The following PCNX1 variants were observed in gnomAD, a reference collection of about 807,000 sequenced individuals.
The protein encoded by PCNX1 is pecanex 1.
A neutral mutation model predicts 242.2 loss-of-function variants in PCNX1; 78 were observed. The ratio of observed to expected loss-of-function variants is 0.32; its 90% CI spans 0.27 to 0.39. The LOEUF is 0.39. Ranked by LOEUF, PCNX1 falls within the 10% of genes least tolerant of loss-of-function variation. The probability of loss-of-function intolerance (pLI) is 1.00; values close to 1 mark genes in which losing one functional copy is unlikely to be tolerated. For synonymous variants in PCNX1, 1,024 were observed against 1,032.9 expected (o/e 0.99, Z 0.17); for missense variants, 2,581 against 2,856.5 (o/e 0.90, Z 2.20).
chr14:70,971,004 GAA>G (rs2058522316), intron 5 of PCNX1, among the ~76,000 whole-genome samples: 1 of 151,672 alleles, frequency 6.6e-6, no homozygotes, highest in Non-Finnish European at 1.5e-5. Context: ...TGCTTAGAGA[GAA>G]ATTATAAGAA....
intron 2 of PCNX1, among the ~76,000 whole-genome samples, chr14:70,947,487 C>A (rs8013512): frequency 6.6e-6 from 1 of 152,276 alleles, no homozygotes; most frequent in South Asian, 2.1e-4. Flanking sequence ...TAATTTCTTA[C>A]GCCTGTCTTT....
intron 7 of PCNX1, among the ~76,000 whole-genome samples, chr14:70,990,133 C>T (rs2059119910): frequency 1.3e-5 from 2 of 152,042 alleles, no homozygotes; most frequent in African/African-American, 2.4e-5. Context: ...GCTTGTTTTC[C>T]TAGATTTTAC....
chr14:70,948,082 A>G (rs947899618), intron 2 of PCNX1, among the ~76,000 whole-genome samples: 3 of 152,226 alleles, frequency 2.0e-5, no homozygotes, highest in Admixed American at 6.5e-5. Flanking sequence ...GATGTTTATC[A>G]ATGACAATCT....
chr14:70,945,131 C>T (rs1008615823), intron 1 of PCNX1, among the ~76,000 whole-genome samples: 5 of 152,174 alleles, frequency 3.3e-5, no homozygotes, highest in Non-Finnish European at 7.4e-5. Context: ...CCCCTGGAAA[C>T]CAGCCCCGGC....
chr14:71,055,812 T>C (rs2061168831), intron 25 of PCNX1, among the ~76,000 whole-genome samples: 1 of 152,234 alleles, frequency 6.6e-6, no homozygotes, highest in Admixed American at 6.5e-5. Flanking sequence ...TCAAAGATTG[T>C]TCTTACATAG....
intron 26 of PCNX1, among the ~76,000 whole-genome samples, chr14:71,059,275 T>G (rs2061263110): frequency 6.6e-6 from 1 of 152,188 alleles, no homozygotes; most frequent in South Asian, 2.1e-4. Flanking sequence ...ATCTAAATGC[T>G]AATTATTTGC....
At chr14:70,921,812 C>T (rs2056387266) in intron 1 of PCNX1, among the ~76,000 whole-genome samples, 1 of 152,116 alleles carries the variant, frequency 6.6e-6, no homozygotes, top group African/African-American at 2.4e-5. Flanking sequence ...TGTACATACT[C>T]TGTCTCTCTT....
At chr14:71,068,566 G>A (rs2061509879) in intron 26 of PCNX1, among the ~76,000 whole-genome samples, 1 of 145,508 alleles carries the variant, frequency 6.9e-6, no homozygotes. Context: ...TTGGTTGGTA[G>A]ACTTTTTAGG....
At chr14:71,103,106 T>C (rs1486020640) in intron 31 of PCNX1, among the ~76,000 whole-genome samples, 2 of 152,236 alleles carry the variant, frequency 1.3e-5, no homozygotes, top group Non-Finnish European at 2.9e-5. Flanking sequence ...TATAGTCTTA[T>C]TTATCAGTGC....
intron 3 of PCNX1, among the ~76,000 whole-genome samples, chr14:70,967,021 A>C (rs972509734): frequency 6.6e-6 from 1 of 152,204 alleles, no homozygotes; most frequent in East Asian, 1.9e-4. Flanking sequence ...AATTATTACA[A>C]AGCTTTTTTT....
intron 1 of PCNX1, among the ~76,000 whole-genome samples, chr14:70,912,409 T>G (rs2055958317): frequency 1.3e-5 from 2 of 152,104 alleles, no homozygotes; most frequent in Admixed American, 1.3e-4. Context: ...ACATTCTAGG[T>G]AAGTTTAAAT....
rs959312877 is a variant in PCNX1, at chr14:70,935,602, G to C, written c.154-11313G>C. 2.6e-5 allele frequency among the ~76,000 whole-genome samples: 4 copies of C among 152,310 alleles called. No individual in the cohort carries two copies. The South Asian group carries it at 6.2e-4, about 24-fold the overall frequency. On this transcript the variant is annotated intron_variant, in intron 1 of 35. Transcript: ENST00000304743. ...GTTTTATCTTTTCCTATTTGGCAGA[G>C]CCATTAATATTTTCGATGAATTTGT...
Position 71,047,993 on chromosome 14 carries a change from T to C in PCNX1, c.4338+9T>C. On this transcript the variant is annotated intron_variant, in intron 22 of 35. Coordinates refer to ENST00000304743, the MANE Select transcript of PCNX1 (RefSeq NM_014982.3). ...CCATACTCTTCAACAAGGTAATTTA[T>C]CACTGAAAGGAATATCCTTATCTAT... The C allele has an allele frequency of 1.3e-6, 2 of 1,596,316 alleles. No homozygotes were observed. The highest frequency in any genetic ancestry group is 1.7e-6 in the Non-Finnish European group (2 of 1,166,416).
rs1012262817 is a variant in PCNX1, at chr14:71,112,563, A to G, written c.*2628A>G. On this transcript the variant is annotated 3_prime_UTR_variant, in exon 36 of 36. Coordinates refer to ENST00000304743, the MANE Select transcript of PCNX1 (RefSeq NM_014982.3). ...TCTTAAGAATAATTTGATCTAAATT[A>G]TTATATGGAAATAAACATACTTGTG... 1.3e-5 allele frequency: 2 copies of G among 152,092 alleles called. No homozygotes were observed. Among genetic ancestry groups the G allele is most frequent in the African/African-American group, 4.8e-5 (2 of 41,448 alleles). The allele number at this position is 152,092 out of a possible 1,614,324, so 9.4% of individuals were successfully genotyped here.
At chr14:70,988,462 G>A (rs1163701698) in intron 6 of PCNX1, 105 bp from the exon 7 acceptor site, 6 of 1,161,152 alleles carry the variant, frequency 5.2e-6, no homozygotes, top group Non-Finnish European at 5.0e-6. Flanking sequence ...GGATTAATAA[G>A]TTCACTTTAC....
intron 1 of PCNX1, among the ~76,000 whole-genome samples, chr14:70,927,156 A>G (rs1011564061): frequency 6.6e-6 from 1 of 152,226 alleles, no homozygotes; most frequent in African/African-American, 2.4e-5. Context: ...AAGAAGCTCA[A>G]AGAGAGAAAG....
At chr14:71,046,545 C>G (rs1314487974) in intron 20 of PCNX1, among the ~76,000 whole-genome samples, 3 of 151,936 alleles carry the variant, frequency 2.0e-5, no homozygotes, top group Admixed American at 6.6e-5. Flanking sequence ...AGACACTTTC[C>G]CCAATGAAAT....
rs767801054 is a variant in PCNX1 at position 70,977,985 on chromosome 14, A to G, written c.1648A>G (p.Ile550Val). 6.2e-7 allele frequency: 1 copy of G among 1,614,152 alleles called. No homozygotes were observed. The highest frequency in any genetic ancestry group is 1.1e-5 in the South Asian group (1 of 91,086). The part of the protein sequence containing the change: ...GDVRPKSSSV[I>V]HRTASAHKSG... ...TGTTCGACCTAAATCTTCTAGCGTA[A>G]TCCATCGGACAGCTTCTGCCCACAA... The change falls in exon 6 of 36, where the codon ATC becomes GTC. Residue 550 changes from isoleucine (I) to valine (V), a missense_variant. Physicochemically the swap from Ile to Val is conservative, Grantham distance 29. Coordinates refer to ENST00000304743, the MANE Select transcript of PCNX1 (RefSeq NM_014982.3).
intron 17 of PCNX1, 21 bp from the exon 18 acceptor site, chr14:71,033,909 GT>G (rs11461235): frequency 2.1e-5 from 26 of 1,230,576 alleles, no homozygotes; most frequent in Non-Finnish European, 2.7e-5. Flanking sequence ...TGTATTTTCT[GT>G]TTTTTTTTCT....
Sources: allele counts gnomAD v4.1 joint callset (sites outside exome capture counted in the v4.1 genomes callset), GRCh38; gene constraint gnomAD v4.1.1; transcripts MANE v1.5; gene names NCBI Gene and HGNC (gene_info 2026-07-23, HGNC 2026-07-21).